PANK3: variants seen among roughly 807,000 people sequenced by gnomAD.
PANK3 encodes the protein pantothenate kinase 3.
A neutral mutation model predicts 39.4 loss-of-function variants in PANK3; 20 were observed. That is an observed-to-expected ratio of 0.51 (90% CI 0.36 to 0.74). PANK3 has a LOEUF of 0.74. Among genes scored for constraint, PANK3 ranks in the 30% least tolerant of loss-of-function variants. The pLI is 0.00. For synonymous variants in PANK3, 140 were observed against 157.3 expected, an observed-to-expected ratio of 0.89 and a Z score of 0.82; for missense variants, 265 against 437.0, an observed-to-expected ratio of 0.61 and a Z score of 3.51.
In PANK3 at chr5:168,559,132, C is replaced by A; in HGVS notation, c.962G>T (p.Gly321Val). 1 of 1,557,828 alleles carries A rather than the reference C, an allele frequency of 6.4e-7. No individual in the cohort carries two copies. The change falls in exon 6 of 7, where the codon GGA becomes GTA. Residue 321 changes from glycine (G) to valine (V), a missense_variant. Gly to Val is a moderately radical substitution (Grantham distance 109, BLOSUM62 -3). Around this residue, in one of 3 missense-constraint regions of PANK3, gnomAD observed 110 missense variants for 161.2 expected, o/e 0.68. Transcript: ENST00000239231. ...GAGGGTATTGACACGTAAAAAGTTT[C>A]CAACAAAGACAACTCTGTTTATTTT... is the stretch of plus-strand genomic sequence containing the variant. ...NEKINRVVFV[G>V]NFLRVNTLSM...
At position 168,576,235 on chromosome 5, in the gene PANK3, C is replaced by T. The variant is rs550275630; in HGVS notation, c.28+3021G>A. ...AATCAAATTACACAGACACAAACTA[C>T]AAATATATGCTATACCATTTTCTCT... On this transcript the variant is annotated intron_variant, in intron 1 of 6. Coordinates refer to ENST00000239231, the MANE Select transcript of PANK3 (RefSeq NM_024594.4). 5.7e-4 allele frequency among the ~76,000 whole-genome samples: 87 copies of T among 152,304 alleles called. 1 individual carries two copies. The highest frequency in any genetic ancestry group is 4.0e-4 in the Non-Finnish European group (27 of 68,018).
At chr5:168,575,919 TTATAAAGTTAGCATGTATGCTGG>T (rs1561843948) in intron 1 of PANK3, among the ~76,000 whole-genome samples, 2 of 152,148 alleles carry the variant, frequency 1.3e-5, no homozygotes, top group African/African-American at 4.8e-5. Flanking sequence ...AAGAACAAAA[TTATAAAGTTAGCATGTATGCTGG>T]TATATTCTAG....
chr5:168,563,810 G>T, intron 4 of PANK3, 79 bp downstream of exon 4: 1 of 1,331,288 alleles, frequency 7.5e-7, no homozygotes, highest in Non-Finnish European at 1.0e-6. Context: ...ACAACTTTCT[G>T]TTACATTGCT....
chr5:168,570,860 A>T (rs1466167358), intron 1 of PANK3, among the ~76,000 whole-genome samples: 1 of 152,194 alleles, frequency 6.6e-6, no homozygotes, highest in Non-Finnish European at 1.5e-5. Flanking sequence ...GGATAATATA[A>T]ATGAGCTGCT....
At chr5:168,576,820 C>T (rs1266615218) in intron 1 of PANK3, among the ~76,000 whole-genome samples, 1 of 151,664 alleles carries the variant, frequency 6.6e-6, no homozygotes, top group African/African-American at 2.4e-5. Flanking sequence ...TATTCAAAAA[C>T]AAAACAAATA....
rs1338924354 is a variant in PANK3, at chr5:168,555,708, G to A, written c.*1863C>T. 6.6e-6 allele frequency: 1 copy of A among 152,216 alleles called. No homozygotes were observed. The allele number at this position is 152,216 out of a possible 1,614,324, so 9.4% of individuals were successfully genotyped here. Reference sequence around the variant, plus strand: ...TTTCAAATGCTCAACAGCTACATATGGGTAGTGGCTACTGCACTGGACATC... The same window carrying A: ...TTTCAAATGCTCAACAGCTACATATAGGTAGTGGCTACTGCACTGGACATC... On this transcript the variant is annotated 3_prime_UTR_variant, in exon 7 of 7. Transcript: ENST00000239231.
chr5:168,569,981 C>T (rs927860364), intron 1 of PANK3, among the ~76,000 whole-genome samples: 2 of 151,942 alleles, frequency 1.3e-5, no homozygotes, highest in East Asian at 3.9e-4. Context: ...GTCCAGGAGG[C>T]TGGGGCTGCG....
chr5:168,560,892 G>T (rs1170669434), intron 5 of PANK3: 2 of 487,512 alleles, frequency 4.1e-6, no homozygotes, highest in Non-Finnish European at 8.7e-6. Context: ...TGAAGAACAG[G>T]TCTCAATGCC....
In PANK3 at chr5:168,559,214, AG is replaced by A. The variant is rs1369082928; in HGVS notation, c.937-58del. The A allele has an allele frequency of 2.2e-5, 25 of 1,153,892 alleles. No individual in the cohort carries two copies. The African/African-American group carries it at 3.8e-4, about 18-fold the overall frequency. The allele number at this position is 1,153,892 out of a possible 1,614,324, so 71.5% of individuals were successfully genotyped here. A position where few individuals can be genotyped will look rare whatever the true frequency, so the allele number is the denominator to read the frequency against. Reference sequence around the variant, plus strand: ...AAAATAATAGATTTTACAATATAAAAGGTTTCTAAATATTTATTTAAAATTT... The same window carrying A: ...AAAATAATAGATTTTACAATATAAAAGTTTCTAAATATTTATTTAAAATTT... On this transcript the variant is annotated intron_variant, in intron 5 of 6. Transcript: ENST00000239231.
At position 168,556,114 on chromosome 5, in the gene PANK3, T is replaced by G. The variant is rs781064882; in HGVS notation, c.*1457A>C. ...GGAAAGAACTTCCTAAATCTTAAGG[T>G]TGAAGGCAGAGGGCTCAACCCCACT... is the stretch of plus-strand genomic sequence containing the variant. On this transcript the variant is annotated 3_prime_UTR_variant, in exon 7 of 7. Transcript: ENST00000239231. The G allele has an allele frequency of 4.6e-5, 7 of 152,136 alleles. No individual in the cohort carries two copies. The highest frequency in any genetic ancestry group is 8.8e-5 in the Non-Finnish European group (6 of 68,026). 9.4% of individuals were successfully genotyped at this position (152,136 alleles called of 1,614,324 possible). A position where few individuals can be genotyped will look rare whatever the true frequency, so the allele number is the denominator to read the frequency against.
chr5:168,560,464 G>T (rs1248545447), intron 5 of PANK3, among the ~76,000 whole-genome samples: 1 of 151,990 alleles, frequency 6.6e-6, no homozygotes, highest in Non-Finnish European at 1.5e-5. Flanking sequence ...TCTTTATCCT[G>T]TTTGATGGTC....
intron 1 of PANK3, among the ~76,000 whole-genome samples, chr5:168,578,293 T>C (rs904689791): frequency 6.6e-6 from 1 of 152,178 alleles, no homozygotes; most frequent in Non-Finnish European, 1.5e-5. Flanking sequence ...CTCAGGTGAG[T>C]TTTACAGGAA....
intron 3 of PANK3, 62 bp from the exon 4 acceptor site, chr5:168,564,127 A>G: frequency 2.2e-6 from 3 of 1,366,092 alleles, no homozygotes; most frequent in Non-Finnish European, 3.0e-6. Context: ...CTCTAAAGTA[A>G]AAGGGTGGAT....
In PANK3 at chr5:168,564,132, G is replaced by A. The variant is rs116361386; in HGVS notation, c.636-67C>T. On this transcript the variant is annotated intron_variant, in intron 3 of 6. Coordinates refer to ENST00000239231, the MANE Select transcript of PANK3 (RefSeq NM_024594.4). The stretch of plus-strand genomic sequence containing the variant: ...TATATTCTTTCTCTAAAGTAAAAGG[G>A]TGGATCATTCATGTATTCAATGAAC... 3.2e-4 allele frequency: 426 copies of A among 1,326,614 alleles called. No homozygotes were observed. The African/African-American group carries it at 5.5e-3, about 17-fold the overall frequency. The allele number at this position is 1,326,614 out of a possible 1,614,324, so 82.2% of individuals were successfully genotyped here.
Position 168,568,708 on chromosome 5 carries a change from A to G in PANK3, c.319T>C (p.Leu107=). Reference sequence around the variant, plus strand: ...CCTGTAGCACATAGCACCGTCTGCAATGTTGAGAAGTTTTTATCTCTTCCC... The same window carrying G: ...CCTGTAGCACATAGCACCGTCTGCAGTGTTGAGAAGTTTTTATCTCTTCCC... ...QMGRDKNFST[L]QTVLCATGGG... The change falls in exon 2 of 7, where the codon TTG becomes CTG. Residue 107 remains leucine, a synonymous_variant. Transcript: ENST00000239231. The G allele has an allele frequency of 6.2e-7, 1 of 1,614,138 alleles. No homozygotes were observed. Among genetic ancestry groups the G allele is most frequent in the East Asian group, 2.2e-5 (1 of 44,870 alleles).
chr5:168,555,707 T>C lies in PANK3; in HGVS notation c.*1864A>G, dbSNP rs1759336710. On this transcript the variant is annotated 3_prime_UTR_variant, in exon 7 of 7. Coordinates refer to ENST00000239231, the MANE Select transcript of PANK3 (RefSeq NM_024594.4). ...ATTTCAAATGCTCAACAGCTACATA[T>C]GGGTAGTGGCTACTGCACTGGACAT... 1 of 152,258 alleles carries C rather than the reference T, an allele frequency of 6.6e-6. No individual in the cohort carries two copies. Among genetic ancestry groups the C allele is most frequent in the Non-Finnish European group, 1.5e-5 (1 of 68,046 alleles). The allele number at this position is 152,258 out of a possible 1,614,324, so 9.4% of individuals were successfully genotyped here. A position where few individuals can be genotyped will look rare whatever the true frequency, so the allele number is the denominator to read the frequency against.
intron 6 of PANK3, among the ~76,000 whole-genome samples, chr5:168,558,393 T>C (rs755398219): frequency 1.3e-5 from 2 of 152,044 alleles, no homozygotes; most frequent in Non-Finnish European, 2.9e-5. Context: ...CTTGATCTCC[T>C]GACCTCGTGA....
chr5:168,578,388 T>A (rs963228296), intron 1 of PANK3, among the ~76,000 whole-genome samples: 1 of 152,206 alleles, frequency 6.6e-6, no homozygotes, highest in Non-Finnish European at 1.5e-5. Context: ...CATGAAACAC[T>A]GTAAAAACAG....
Position 168,557,260 on chromosome 5 carries a change from T to C in PANK3, c.*311A>G. On this transcript the variant is annotated 3_prime_UTR_variant, in exon 7 of 7. Coordinates refer to ENST00000239231, the MANE Select transcript of PANK3 (RefSeq NM_024594.4). ...CATAAGCTAAACAGTTCCGATACTTTAAGATTTGTGTTTGAGCATACAGTA... is the reference window on the plus strand; with the variant it reads ...CATAAGCTAAACAGTTCCGATACTTCAAGATTTGTGTTTGAGCATACAGTA... 1 of 260,874 alleles carries C rather than the reference T, an allele frequency of 3.8e-6. No individual in the cohort carries two copies. Among genetic ancestry groups the C allele is most frequent in the Non-Finnish European group, 7.3e-6 (1 of 137,556 alleles). The allele number at this position is 260,874 out of a possible 1,614,324, so 16.2% of individuals were successfully genotyped here.
Sources: allele counts gnomAD v4.1 joint callset (sites outside exome capture counted in the v4.1 genomes callset), GRCh38; gene constraint gnomAD v4.1.1; regional missense constraint gnomAD v4.1.1; transcripts MANE v1.5; gene names NCBI Gene and HGNC (gene_info 2026-07-23, HGNC 2026-07-21).